Variants in RIT2 observed in about 807,000 individuals in gnomAD.
The protein encoded by RIT2 is Ras like without CAAX 2, also known as GTP-binding protein Rit2.
Under a neutral mutation model 23.7 loss-of-function variants are expected in RIT2, and 24 were observed. The ratio of observed to expected loss-of-function variants is 1.01; its 90% CI spans 0.73 to 1.43. The LOEUF (loss-of-function observed/expected upper bound fraction) is 1.43. Ranked by LOEUF, RIT2 falls within the 40% of genes most tolerant of loss-of-function variation. The pLI is 0.00. For synonymous variants in RIT2, 107 were observed against 91.1 expected, an observed-to-expected ratio of 1.17 and a Z score of -0.99; for missense variants, 236 against 266.9, an observed-to-expected ratio of 0.88 and a Z score of 0.81.
intron 3 of RIT2, among the ~76,000 whole-genome samples, chr18:42,930,279 G>C (rs910099713): frequency 3.3e-5 from 5 of 151,792 alleles, no homozygotes; most frequent in African/African-American, 1.2e-4. Context: ...CTGAAAGCAG[G>C]GAGAAAACCA....
intron 4 of RIT2, among the ~76,000 whole-genome samples, chr18:42,858,624 G>A (rs995880138): frequency 3.3e-5 from 5 of 152,074 alleles, no homozygotes; most frequent in African/African-American, 1.2e-4. Context: ...AAAAAATTGC[G>A]CAAACCTCAA....
intron 1 of RIT2, among the ~76,000 whole-genome samples, chr18:43,114,911 T>C (rs561507376): frequency 6.6e-6 from 1 of 152,256 alleles, no homozygotes; most frequent in South Asian, 2.1e-4. Context: ...CTTTTGGTAT[T>C]CAAAGCCCAC....
chr18:43,088,991 C>T (rs1179929477), intron 1 of RIT2, among the ~76,000 whole-genome samples: 1 of 152,036 alleles, frequency 6.6e-6, no homozygotes, highest in Non-Finnish European at 1.5e-5. Context: ...ATCTAAGGTT[C>T]TTGAGATAGT....
chr18:42,871,657 C>T (rs554313587), intron 4 of RIT2, among the ~76,000 whole-genome samples: 1 of 152,258 alleles, frequency 6.6e-6, no homozygotes, highest in South Asian at 2.1e-4. Flanking sequence ...ACTCATTATT[C>T]CTCAGCCTGG....
intron 4 of RIT2, among the ~76,000 whole-genome samples, chr18:42,794,991 A>G (rs1914124393): frequency 6.6e-6 from 1 of 152,226 alleles, no homozygotes; most frequent in South Asian, 2.1e-4. Context: ...TGACACTAAC[A>G]TTTTAAATGT....
chr18:42,939,993 T>C (rs910946877), intron 3 of RIT2, among the ~76,000 whole-genome samples: 1 of 151,854 alleles, frequency 6.6e-6, no homozygotes, highest in Non-Finnish European at 1.5e-5. Context: ...GAAGGCCTGA[T>C]AGGGTTAAAT....
intron 4 of RIT2, among the ~76,000 whole-genome samples, chr18:42,841,584 A>G (rs1004408954): frequency 2.6e-5 from 4 of 152,144 alleles, no homozygotes; most frequent in Non-Finnish European, 4.4e-5. Flanking sequence ...AGACATTTAA[A>G]CTGTTGCTTT....
At chr18:42,992,655 C>T (rs1467782604) in intron 2 of RIT2, among the ~76,000 whole-genome samples, 1 of 152,180 alleles carries the variant, frequency 6.6e-6, no homozygotes, top group East Asian at 1.9e-4. Context: ...TTTCATTCCG[C>T]AACTAGCTTT....
chr18:42,999,834 C>T (rs1040348928), intron 2 of RIT2, among the ~76,000 whole-genome samples: 1 of 152,000 alleles, frequency 6.6e-6, no homozygotes, highest in African/African-American at 2.4e-5. Flanking sequence ...AACGGCAGAC[C>T]TCTTTGACTT....
intron 4 of RIT2, among the ~76,000 whole-genome samples, chr18:42,830,319 G>A (rs1167652698): frequency 3.3e-5 from 5 of 152,186 alleles, no homozygotes; most frequent in Non-Finnish European, 1.5e-5. Context: ...GTGTTGCCTG[G>A]TCTTCTGTTT....
intron 4 of RIT2, among the ~76,000 whole-genome samples, chr18:42,811,376 A>G (rs940389451): frequency 6.6e-6 from 1 of 152,090 alleles, no homozygotes; most frequent in Non-Finnish European, 1.5e-5. Flanking sequence ...TATGTAAAGT[A>G]GGGCCACAGC....
chr18:43,053,498 G>T (rs576714712), intron 1 of RIT2, among the ~76,000 whole-genome samples: 1 of 152,064 alleles, frequency 6.6e-6, no homozygotes, highest in Non-Finnish European at 1.5e-5. Context: ...AAATGGGATG[G>T]TAAGGAAAAA....
chr18:42,745,368 AAC>A (rs1464052557), intron 4 of RIT2, among the ~76,000 whole-genome samples: 1 of 152,204 alleles, frequency 6.6e-6, no homozygotes, highest in African/African-American at 2.4e-5. Context: ...AAACTGTTAC[AAC>A]ACATCATATG....
rs149015466 is a variant in RIT2 at position 42,898,491 on chromosome 18, C to T, written c.426+25081G>A. Among the ~76,000 whole-genome samples, 120 of 152,152 alleles carry T rather than the reference C, an allele frequency of 7.9e-4. 1 individual carries two copies. In the East Asian group the frequency reaches 0.019, roughly 23 times the overall value. Reference sequence around the variant, plus strand: ...CATTGAGGACCAGGATGTCAAACCACAAAAACAAAAGAAGCAAGCATGACA... The same window carrying T: ...CATTGAGGACCAGGATGTCAAACCATAAAAACAAAAGAAGCAAGCATGACA... On this transcript the variant is annotated intron_variant, in intron 4 of 4. Transcript: ENST00000326695.
At position 42,805,806 on chromosome 18, in the gene RIT2, C is replaced by G. The variant is rs140028886; in HGVS notation, c.427-62086G>C. ...AATTTCTAACTGTCCCTTACTCAAACTTTATTGCTGACTACAAATACTGCT... is the reference window on the plus strand; with the variant it reads ...AATTTCTAACTGTCCCTTACTCAAAGTTTATTGCTGACTACAAATACTGCT... On this transcript the variant is annotated intron_variant, in intron 4 of 4. Transcript: ENST00000326695. Among the ~76,000 whole-genome samples, 1,026 of 152,210 alleles carry G rather than the reference C, an allele frequency of 6.7e-3. 3 individuals are homozygous for G. The highest frequency in any genetic ancestry group is 0.011 in the Non-Finnish European group (733 of 67,986).
chr18:43,043,718 A>T (rs933870551), intron 1 of RIT2, among the ~76,000 whole-genome samples: 1 of 152,128 alleles, frequency 6.6e-6, no homozygotes, highest in African/African-American at 2.4e-5. Flanking sequence ...TCAATCAGGG[A>T]GGTGGAGGTT....
At chr18:42,978,908 T>G (rs1253755685) in intron 2 of RIT2, among the ~76,000 whole-genome samples, 1 of 152,092 alleles carries the variant, frequency 6.6e-6, no homozygotes, top group African/African-American at 2.4e-5. Flanking sequence ...GCATGGGAGT[T>G]CTATAAGGAT....
chr18:43,028,415 A>G (rs1911780622), intron 2 of RIT2, among the ~76,000 whole-genome samples: 1 of 152,066 alleles, frequency 6.6e-6, no homozygotes, highest in Non-Finnish European at 1.5e-5. Flanking sequence ...ACGGGAGTCC[A>G]GTGTGGTTGG....
chr18:42,864,289 C>CT (rs906079250), intron 4 of RIT2, among the ~76,000 whole-genome samples: 4 of 152,160 alleles, frequency 2.6e-5, no homozygotes, highest in Admixed American at 6.5e-5. Flanking sequence ...TCAATTTCAT[C>CT]TTTTTCCACA....
Sources: allele counts gnomAD v4.1 joint callset (sites outside exome capture counted in the v4.1 genomes callset), GRCh38; gene constraint gnomAD v4.1.1; transcripts MANE v1.5; gene names NCBI Gene and HGNC (gene_info 2026-07-23, HGNC 2026-07-21).